The following NPAS3 variants were observed in gnomAD, a reference collection of about 807,000 sequenced individuals.
The protein encoded by NPAS3 is neuronal PAS domain protein 3, also known as neuronal PAS domain-containing protein 3.
A neutral mutation model predicts 73.1 loss-of-function variants in NPAS3; 14 were observed. That is an observed-to-expected ratio of 0.19 (90% confidence interval 0.13 to 0.30). The LOEUF (loss-of-function observed/expected upper bound fraction) is 0.30, where lower values mean the gene tolerates loss of function less well. Among genes scored for constraint, NPAS3 ranks in the 10% least tolerant of loss-of-function variants. The pLI, the probability that NPAS3 is intolerant of heterozygous loss-of-function variation, is 1.00. For synonymous variants in NPAS3, 620 were observed against 541.5 expected, an observed-to-expected ratio of 1.14 and a Z score of -2.01; for missense variants, 1,096 against 1,250.0, an observed-to-expected ratio of 0.88 and a Z score of 1.86.
At chr14:33,316,303 C>T (rs2043205904) in intron 3 of NPAS3, among the ~76,000 whole-genome samples, 1 of 151,988 alleles carries the variant, frequency 6.6e-6, no homozygotes, top group Admixed American at 6.6e-5. Flanking sequence ...GTATTGAATT[C>T]TCTGCTGAAA....
Position 33,263,062 on chromosome 14 carries a change from T to C in NPAS3, c.385+47636T>C, listed in dbSNP as rs187294180. Among the ~76,000 whole-genome samples, 54 of 152,348 alleles carry C rather than the reference T, an allele frequency of 3.5e-4. No homozygotes were observed. In the East Asian group the frequency reaches 0.01, roughly 28 times the overall value. On this transcript the variant is annotated intron_variant, in intron 3 of 11. Coordinates refer to ENST00000356141, the Ensembl canonical transcript of NPAS3. ...AGATTTCAAAAATTTTCTCCCATTC[T>C]ATAGGTTGCCTGTTCACTCTGATGG... is the stretch of plus-strand genomic sequence containing the variant.
In NPAS3 at chr14:33,577,638, G is replaced by A. The variant is rs78757522; in HGVS notation, c.558+17428G>A. On this transcript the variant is annotated intron_variant, in intron 5 of 11. Transcript: ENST00000356141. Reference sequence around the variant, plus strand: ...CTTCTTTTTCAGAGGCCGTCATCCAGTACTGAGACTTATTCTCCTGCTGGG... The same window carrying A: ...CTTCTTTTTCAGAGGCCGTCATCCAATACTGAGACTTATTCTCCTGCTGGG... Among the ~76,000 whole-genome samples the A allele has an allele frequency of 7.0e-3, 1,060 of 152,290 alleles. 53 individuals are homozygous for A. In the East Asian group the frequency reaches 0.16, roughly 22 times the overall value.
At chr14:33,233,841 A>G (rs1393674985) in intron 3 of NPAS3, among the ~76,000 whole-genome samples, 1 of 152,136 alleles carries the variant, frequency 6.6e-6, no homozygotes, top group Non-Finnish European at 1.5e-5. Flanking sequence ...ATTTAAGCAT[A>G]TTAACTCTAT....
chr14:33,606,602 G>C (rs1269081360), intron 5 of NPAS3, among the ~76,000 whole-genome samples: 1 of 152,102 alleles, frequency 6.6e-6, no homozygotes, highest in Non-Finnish European at 1.5e-5. Flanking sequence ...AACTCAAAGA[G>C]GATCATAGAC....
chr14:33,084,692 A>G (rs1253188759), intron 2 of NPAS3, among the ~76,000 whole-genome samples: 4 of 152,182 alleles, frequency 2.6e-5, no homozygotes, highest in African/African-American at 9.7e-5. Flanking sequence ...GGTCGGCAGG[A>G]AAGAGGGGAG....
At chr14:33,152,968 C>T (rs1389583871) in intron 2 of NPAS3, among the ~76,000 whole-genome samples, 1 of 151,870 alleles carries the variant, frequency 6.6e-6, no homozygotes, top group Non-Finnish European at 1.5e-5. Flanking sequence ...AAAATATTTT[C>T]TCAATATATT....
chr14:33,745,457 T>A (rs2061763762), intron 7 of NPAS3, among the ~76,000 whole-genome samples: 1 of 152,200 alleles, frequency 6.6e-6, no homozygotes, highest in Non-Finnish European at 1.5e-5. Flanking sequence ...AGCATCTGGA[T>A]TTTTTATTGT....
intron 9 of NPAS3, chr14:33,780,771 A>C: frequency 2.6e-6 from 1 of 378,522 alleles, no homozygotes; most frequent in East Asian, 7.8e-5. Context: ...GAATAATTTG[A>C]GAGTGCTGAA....
intron 1 of NPAS3, among the ~76,000 whole-genome samples, chr14:33,004,204 G>A (rs1199643638): frequency 1.3e-5 from 2 of 152,112 alleles, no homozygotes; most frequent in East Asian, 1.9e-4. Context: ...GCTTAATCAC[G>A]GGGATACATT....
chr14:33,377,774 A>G (rs17100888), intron 4 of NPAS3, among the ~76,000 whole-genome samples: 1,777 of 152,294 alleles, frequency 0.012, 26 homozygotes, highest in African/African-American at 0.04. Context: ...GTGCAATAGT[A>G]AATGGGGACT....
At chr14:33,026,915 T>C (rs567835419) in intron 1 of NPAS3, among the ~76,000 whole-genome samples, 7 of 152,262 alleles carry the variant, frequency 4.6e-5, no homozygotes, top group African/African-American at 1.4e-4. Context: ...ACATTGAAGC[T>C]ATTCATTTTA....
chr14:33,040,447 A>C (rs2040314350), intron 1 of NPAS3, among the ~76,000 whole-genome samples: 1 of 152,174 alleles, frequency 6.6e-6, no homozygotes, highest in African/African-American at 2.4e-5. Flanking sequence ...ACTTTATATA[A>C]TAATTGTGTA....
intron 5 of NPAS3, among the ~76,000 whole-genome samples, chr14:33,575,962 T>C (rs1048277255): frequency 2.6e-5 from 4 of 152,026 alleles, no homozygotes; most frequent in African/African-American, 9.7e-5. Context: ...ATAAATATAT[T>C]CCTTGTAGCA....
intron 4 of NPAS3, among the ~76,000 whole-genome samples, chr14:33,388,757 G>A (rs893651942): frequency 6.6e-6 from 1 of 152,122 alleles, no homozygotes; most frequent in African/African-American, 2.4e-5. Flanking sequence ...TACAGAGATA[G>A]GAAATGATAG....
upstream of NPAS3, chr14:32,939,305 A>AC (rs1566781044): frequency 1.4e-6 from 1 of 737,784 alleles, no homozygotes; most frequent in South Asian, 1.4e-5. Context: ...GAGGAAAAAA[A>AC]ATAGCAGGAA....
chr14:33,541,923 AT>A (rs1011579142), intron 4 of NPAS3, among the ~76,000 whole-genome samples: 36 of 151,544 alleles, frequency 2.4e-4, no homozygotes, highest in Middle Eastern at 3.4e-3. Flanking sequence ...CTGCAGGTTA[AT>A]TTTTTTTTCT....
At chr14:33,056,515 A>G (rs997874586) in intron 2 of NPAS3, among the ~76,000 whole-genome samples, 3 of 152,012 alleles carry the variant, frequency 2.0e-5, no homozygotes, top group Non-Finnish European at 2.9e-5. Context: ...ATTACTATGT[A>G]CCTTACAGGA....
chr14:33,629,494 A>G (rs971117965), intron 5 of NPAS3, among the ~76,000 whole-genome samples: 2 of 152,092 alleles, frequency 1.3e-5, no homozygotes, highest in African/African-American at 4.8e-5. Flanking sequence ...TGTGTGTATG[A>G]ACTTGAAAAA....
intron 4 of NPAS3, among the ~76,000 whole-genome samples, chr14:33,531,788 G>T (rs974918375): frequency 2.0e-5 from 3 of 152,084 alleles, no homozygotes; most frequent in Admixed American, 2.0e-4. Flanking sequence ...GTACCATTTT[G>T]CGTTCCCATC....
Sources: gnomAD v4.1 joint callset for allele counts (sites outside exome capture counted in the v4.1 genomes callset) on GRCh38, gnomAD v4.1.1 for gene constraint, MANE v1.5 for transcripts, NCBI Gene and HGNC (gene_info 2026-07-23, HGNC 2026-07-21) for gene names.